Variants in GORAB observed in about 807,000 individuals in gnomAD.
GORAB encodes the protein RAB6-interacting golgin.
A neutral mutation model predicts 29.9 loss-of-function variants in GORAB; 17 were observed. The observed-to-expected ratio is 0.57, with a 90% CI of 0.39 to 0.85. GORAB has a LOEUF of 0.85. Among genes scored for constraint, GORAB ranks in the 40% least tolerant of loss-of-function variants. GORAB has a pLI of 0.00. For missense variants in GORAB, 442 were observed against 437.8 expected (o/e 1.01, Z -0.09); for synonymous variants, 183 against 157.2 (o/e 1.16, Z -1.23).
chr1:170,539,319 A>T lies in GORAB; in HGVS notation c.171A>T (p.Ser57=). ...QSQKLGLQDG[S]TSLLPEQLLS... ...AAAAACTTGGGCTTCAAGATGGATC[A>T]ACCTCATTACTTCCAGAGCAGCTGC... Residue 57 remains serine (S), a synonymous_variant, in exon 2 of 5, where the codon TCA becomes TCT. Coordinates refer to ENST00000367763, the MANE Select transcript of GORAB (RefSeq NM_152281.3). 1 of 1,614,194 alleles carries T rather than the reference A, an allele frequency of 6.2e-7. No individual in the cohort carries two copies. The highest frequency in any genetic ancestry group is 8.5e-7 in the Non-Finnish European group (1 of 1,180,024).
At chr1:170,537,109 C>T (rs1649108399) in intron 1 of GORAB, among the ~76,000 whole-genome samples, 1 of 151,582 alleles carries the variant, frequency 6.6e-6, no homozygotes, top group South Asian at 2.1e-4. Flanking sequence ...CTTTCTTTCC[C>T]TTCTTCCCTC....
intron 4 of GORAB, among the ~76,000 whole-genome samples, chr1:170,547,930 T>G (rs1649861969): frequency 6.6e-6 from 1 of 152,222 alleles, no homozygotes; most frequent in South Asian, 2.1e-4. Context: ...TTTGAGAAAA[T>G]TCACCTAGGA....
chr1:170,542,622 T>C (rs1354421109), intron 3 of GORAB, 30 bp downstream of exon 3: 1 of 1,305,994 alleles, frequency 7.7e-7, no homozygotes, highest in East Asian at 2.3e-5. Flanking sequence ...AGAGGCTGTT[T>C]GTAACCTGTA....
chr1:170,536,524 A>T (rs1277521361), intron 1 of GORAB: 2 of 152,234 alleles, frequency 1.3e-5, no homozygotes, highest in Non-Finnish European at 2.9e-5. Context: ...TACTAGAGGG[A>T]GCACACTTTG....
intron 2 of GORAB, among the ~76,000 whole-genome samples, chr1:170,542,065 G>A (rs1649465350): frequency 6.6e-6 from 1 of 152,292 alleles, no homozygotes; most frequent in South Asian, 2.1e-4. Context: ...AACATGTTAA[G>A]GTGGTGGAGA....
chr1:170,545,617 A>G (rs1649710511), intron 4 of GORAB: 4 of 985,366 alleles, frequency 4.1e-6, no homozygotes, highest in South Asian at 9.4e-5. Context: ...TTTTTTCACA[A>G]GGGAATGCTG....
chr1:170,549,174 C>T (rs1315779428), intron 4 of GORAB, among the ~76,000 whole-genome samples: 3 of 152,062 alleles, frequency 2.0e-5, no homozygotes, highest in African/African-American at 7.2e-5. Context: ...AATAACAAAA[C>T]AGTTCTATAA....
chr1:170,533,610 A>T lies in GORAB; in HGVS notation c.61+1326A>T, dbSNP rs571810426. On this transcript the variant is annotated intron_variant, in intron 1 of 4. Coordinates refer to ENST00000367763, the MANE Select transcript of GORAB (RefSeq NM_152281.3). ...CGGGGATTGGATGGAGCTTGGGAAG[A>T]TTTCACAAAGTTTGTGTGTTAGCAG... 8.2e-4 allele frequency: 370 copies of T among 450,886 alleles called. 4 individuals carry two copies. Among genetic ancestry groups the T allele is most frequent in the Non-Finnish European group, 1.4e-3 (313 of 222,550 alleles). 27.9% of individuals were successfully genotyped at this position (450,886 alleles called of 1,614,324 possible).
At chr1:170,546,854 T>G (rs1173240974) in intron 4 of GORAB, among the ~76,000 whole-genome samples, 1 of 152,204 alleles carries the variant, frequency 6.6e-6, no homozygotes, top group South Asian at 2.1e-4. Flanking sequence ...TGGCTAATTT[T>G]TTGTATTTTT....
At chr1:170,533,744 G>A in intron 1 of GORAB, 1 of 334,260 alleles carries the variant, frequency 3.0e-6, no homozygotes, top group East Asian at 7.5e-5. Flanking sequence ...GGGGTAGATA[G>A]AGGATGGTGA....
intron 4 of GORAB, chr1:170,545,859 C>T (rs895442138): frequency 1.7e-5 from 8 of 483,390 alleles, no homozygotes; most frequent in Non-Finnish European, 2.2e-5. Context: ...TTAGAGTTGT[C>T]TTTATTAATT....
intron 4 of GORAB, among the ~76,000 whole-genome samples, chr1:170,551,438 C>T (rs962475989): frequency 2.0e-5 from 3 of 152,138 alleles, no homozygotes; most frequent in Non-Finnish European, 2.9e-5. Context: ...GACCACTGTC[C>T]GTATCTTTCT....
Position 170,542,621 on chromosome 1 carries a change from T to C in GORAB, c.521+29T>C, listed in dbSNP as rs1553242789. 3.6e-6 allele frequency: 5 copies of C among 1,380,886 alleles called. 1 individual carries two copies. In the South Asian group the frequency reaches 5.8e-5, roughly 16 times the overall value. The allele number at this position is 1,380,886 out of a possible 1,614,324, so 85.5% of individuals were successfully genotyped here. A position where few individuals can be genotyped will look rare whatever the true frequency, so the allele number is the denominator to read the frequency against. On this transcript the variant is annotated intron_variant, in intron 3 of 4. Transcript: ENST00000367763. ...AGGCACCTGAACCAGGAGAGGCTGT[T>C]TGTAACCTGTAACCAGTTGTGTCAT... is the stretch of plus-strand genomic sequence containing the variant.
intron 1 of GORAB, among the ~76,000 whole-genome samples, chr1:170,536,103 A>G (rs1164138717): frequency 1.3e-5 from 2 of 152,158 alleles, no homozygotes; most frequent in Non-Finnish European, 2.9e-5. Flanking sequence ...TCTTCATATT[A>G]TTAACATTGC....
chr1:170,539,778 T>A, intron 2 of GORAB: 2 of 568,748 alleles, frequency 3.5e-6, no homozygotes, highest in South Asian at 4.3e-5. Flanking sequence ...TGTTCTTTAG[T>A]CTTCATAACA....
At position 170,553,162 on chromosome 1, in the gene GORAB, AATTG is replaced by A. The variant is rs1376153011; in HGVS notation, c.*704_*707del. 2.3e-6 allele frequency: 1 copy of A among 432,676 alleles called. No homozygotes were observed. Among genetic ancestry groups the A allele is most frequent in the Non-Finnish European group, 4.6e-6 (1 of 219,044 alleles). 26.8% of individuals were successfully genotyped at this position (432,676 alleles called of 1,614,324 possible). ...TTTATTGTCTTTCCTTTAATCGATG[AATTG>A]ATTAAATTTAGACAATTAAAACATT... is the stretch of plus-strand genomic sequence containing the variant. On this transcript the variant is annotated 3_prime_UTR_variant, in exon 5 of 5. Transcript: ENST00000367763.
chr1:170,550,052 C>T lies in GORAB; in HGVS notation c.663-1963C>T, dbSNP rs370700927. 1.1e-4 allele frequency among the ~76,000 whole-genome samples: 17 copies of T among 152,292 alleles called. No homozygotes were observed. The East Asian group carries it at 2.9e-3, about 26-fold the overall frequency. ...GTTTTACAGGTAGACCAAGACTCAG[C>T]TTAAGTAACTGCTCAGAGTCACTGT... On this transcript the variant is annotated intron_variant, in intron 4 of 4. Coordinates refer to ENST00000367763, the MANE Select transcript of GORAB (RefSeq NM_152281.3).
rs900965587 is a variant in GORAB at position 170,543,857 on chromosome 1, C to T, written c.522-848C>T. On this transcript the variant is annotated intron_variant, in intron 3 of 4. Transcript: ENST00000367763. The stretch of plus-strand genomic sequence containing the variant: ...AATAAATGGACAATGAAGTACTTGA[C>T]GTAAAAGAATCATACTGTTAAGTGA... 4.6e-5 allele frequency among the ~76,000 whole-genome samples: 7 copies of T among 151,996 alleles called. No homozygotes were observed. In the East Asian group the frequency reaches 5.8e-4, roughly 13 times the overall value.
chr1:170,541,742 A>G (rs908442545), intron 2 of GORAB, among the ~76,000 whole-genome samples: 5 of 152,182 alleles, frequency 3.3e-5, no homozygotes, highest in Non-Finnish European at 7.3e-5. Flanking sequence ...AAGACAATAC[A>G]TGTTTTCACA....
Sources: allele counts gnomAD v4.1 joint callset (sites outside exome capture counted in the v4.1 genomes callset), GRCh38; gene constraint gnomAD v4.1.1; transcripts MANE v1.5; gene names NCBI Gene and HGNC (gene_info 2026-07-23, HGNC 2026-07-21).